Variants in SH3GL2 observed in about 807,000 individuals in gnomAD.
SH3GL2 encodes the protein SH3 domain containing GRB2 like 2, endophilin A1.
SH3GL2 carries 24 observed loss-of-function variants against 46.0 expected under a neutral mutation model. The ratio of observed to expected loss-of-function variants is 0.52; its 90% confidence interval spans 0.38 to 0.73. The LOEUF is 0.73. Among genes scored for constraint, SH3GL2 ranks in the 30% least tolerant of loss-of-function variants. SH3GL2 has a pLI of 0.00. For synonymous variants in SH3GL2, 196 were observed against 147.1 expected (o/e 1.33, Z -2.40); for missense variants, 413 against 424.2 (o/e 0.97, Z 0.23).
At chr9:17,648,023 T>G (rs1417459370) in intron 1 of SH3GL2, among the ~76,000 whole-genome samples, 3 of 152,052 alleles carry the variant, frequency 2.0e-5, no homozygotes, top group Non-Finnish European at 2.9e-5. Context: ...CTCTTCCTTG[T>G]GATTTATTAA....
intron 1 of SH3GL2, among the ~76,000 whole-genome samples, chr9:17,621,046 G>A (rs1379683390): frequency 6.6e-6 from 1 of 152,186 alleles, no homozygotes. Flanking sequence ...AGTTTCAGTT[G>A]ATTGCTGTGG....
At chr9:17,787,807 TAC>T (rs1478457503) in intron 5 of SH3GL2, among the ~76,000 whole-genome samples, 3 of 152,212 alleles carry the variant, frequency 2.0e-5, no homozygotes, top group Non-Finnish European at 2.9e-5. Flanking sequence ...TTCCTGAGAA[TAC>T]ACAGTTTTGT....
At chr9:17,761,584 T>C (rs779434867) in intron 3 of SH3GL2, 75 bp downstream of exon 3, 6 of 949,346 alleles carry the variant, frequency 6.3e-6, no homozygotes, top group Non-Finnish European at 8.7e-6. Flanking sequence ...CATTTTAAGT[T>C]TGGTGTGTTT....
intron 1 of SH3GL2, among the ~76,000 whole-genome samples, chr9:17,643,871 C>G (rs1267907783): frequency 6.6e-6 from 1 of 152,140 alleles, no homozygotes; most frequent in East Asian, 1.9e-4. Context: ...AGGAGTCCCT[C>G]TTTTTCTGTT....
At chr9:17,666,790 A>G (rs900565480) in intron 1 of SH3GL2, among the ~76,000 whole-genome samples, 13 of 152,132 alleles carry the variant, frequency 8.5e-5, no homozygotes, top group Non-Finnish European at 4.4e-5. Flanking sequence ...TAATATTGCT[A>G]GATCAAAAGG....
chr9:17,764,007 G>A (rs1446621778), intron 3 of SH3GL2, among the ~76,000 whole-genome samples: 5 of 152,166 alleles, frequency 3.3e-5, no homozygotes, highest in Non-Finnish European at 7.3e-5. Flanking sequence ...GGAGGTAATT[G>A]AGAAGATCTG....
intron 6 of SH3GL2, among the ~76,000 whole-genome samples, chr9:17,790,550 A>C (rs1207485826): frequency 1.3e-5 from 2 of 152,132 alleles, no homozygotes; most frequent in Admixed American, 6.5e-5. Context: ...GCTCCAAATC[A>C]CAGTGCTCCT....
At position 17,676,498 on chromosome 9, in the gene SH3GL2, C is replaced by G. The variant is rs188769712; in HGVS notation, c.46-70568C>G. Among the ~76,000 whole-genome samples, 5 of 152,072 alleles carry G rather than the reference C, an allele frequency of 3.3e-5. No homozygotes were observed. The East Asian group carries it at 9.7e-4, about 29-fold the overall frequency. ...GTGGGCACCTGTAATCCCAGCTACT[C>G]TGGAGGCTGAGGCAGGAGAATCACT... is the stretch of plus-strand genomic sequence containing the variant. On this transcript the variant is annotated intron_variant, in intron 1 of 8. Coordinates refer to ENST00000380607, the MANE Select transcript of SH3GL2 (RefSeq NM_003026.5).
intron 2 of SH3GL2, among the ~76,000 whole-genome samples, chr9:17,748,083 G>A (rs1264640866): frequency 6.6e-6 from 1 of 152,164 alleles, no homozygotes; most frequent in African/African-American, 2.4e-5. Context: ...TAAAAGGTAG[G>A]TTCTCAGCAA....
intron 1 of SH3GL2, among the ~76,000 whole-genome samples, chr9:17,692,936 G>A (rs1432734028): frequency 1.3e-5 from 2 of 152,066 alleles, no homozygotes; most frequent in Non-Finnish European, 2.9e-5. Flanking sequence ...CAGATCTCAT[G>A]AGACTTATTC....
chr9:17,724,284 T>C lies in SH3GL2; in HGVS notation c.46-22782T>C, dbSNP rs137913526. ...AGTGCTTAGCCCTTCTTGTGAATTT[T>C]TCATGCAAATTTTTATACTCTTCAA... On this transcript the variant is annotated intron_variant, in intron 1 of 8. Coordinates refer to ENST00000380607, the MANE Select transcript of SH3GL2 (RefSeq NM_003026.5). Among the ~76,000 whole-genome samples, 1,083 of 152,288 alleles carry C rather than the reference T, an allele frequency of 7.1e-3. 16 individuals are homozygous for C. The highest frequency in any genetic ancestry group is 0.024 in the African/African-American group (1,015 of 41,572).
At chr9:17,637,556 T>C (rs1819568709) in intron 1 of SH3GL2, among the ~76,000 whole-genome samples, 1 of 152,208 alleles carries the variant, frequency 6.6e-6, no homozygotes, top group African/African-American at 2.4e-5. Flanking sequence ...CTGGCCTTCC[T>C]CAGGACAAGG....
At chr9:17,689,844 A>G (rs1231958345) in intron 1 of SH3GL2, among the ~76,000 whole-genome samples, 1 of 152,124 alleles carries the variant, frequency 6.6e-6, no homozygotes, top group Non-Finnish European at 1.5e-5. Context: ...ATACTCAGTT[A>G]CTGAAATTAT....
At chr9:17,760,858 A>C (rs912618113) in intron 2 of SH3GL2, among the ~76,000 whole-genome samples, 2 of 152,212 alleles carry the variant, frequency 1.3e-5, no homozygotes, top group Non-Finnish European at 2.9e-5. Flanking sequence ...TGCTGAAGGC[A>C]AACACTGACC....
intron 1 of SH3GL2, among the ~76,000 whole-genome samples, chr9:17,742,659 A>G (rs761894150): frequency 6.6e-6 from 1 of 152,202 alleles, no homozygotes; most frequent in Non-Finnish European, 1.5e-5. Flanking sequence ...AATACCTCTT[A>G]TGAGGAAGAC....
At chr9:17,607,176 C>T (rs1415745324) in intron 1 of SH3GL2, among the ~76,000 whole-genome samples, 1 of 152,094 alleles carries the variant, frequency 6.6e-6, no homozygotes, top group African/African-American at 2.4e-5. Context: ...GTGTGAACAT[C>T]CTAGAGTGTA....
At chr9:17,658,900 C>G (rs543232658) in intron 1 of SH3GL2, among the ~76,000 whole-genome samples, 88 of 152,326 alleles carry the variant, frequency 5.8e-4, no homozygotes, top group African/African-American at 2.1e-3. Context: ...ATCTTTCCAT[C>G]TTCAGGACCT....
chr9:17,581,343 G>A (rs1200462880), intron 1 of SH3GL2, among the ~76,000 whole-genome samples: 2 of 152,174 alleles, frequency 1.3e-5, no homozygotes, highest in African/African-American at 4.8e-5. Flanking sequence ...TTATCACACC[G>A]AATCCAAATG....
chr9:17,683,559 G>T (rs986037448), intron 1 of SH3GL2, among the ~76,000 whole-genome samples: 1 of 151,552 alleles, frequency 6.6e-6, no homozygotes, highest in African/African-American at 2.4e-5. Flanking sequence ...TAACATTGTG[G>T]GAGGAGGTAG....
Sources: allele counts gnomAD v4.1 joint callset (sites outside exome capture counted in the v4.1 genomes callset), GRCh38; gene constraint gnomAD v4.1.1; transcripts MANE v1.5; gene names NCBI Gene and HGNC (gene_info 2026-07-23, HGNC 2026-07-21).